PRRG1: variants seen among roughly 807,000 people sequenced by gnomAD.
PRRG1 encodes the protein proline rich and Gla domain 1, also known as transmembrane gamma-carboxyglutamic acid protein 1.
In PRRG1, 5 loss-of-function variants were observed where a neutral mutation model predicts 11.8. The ratio of observed to expected loss-of-function variants is 0.42; its 90% CI spans 0.22 to 0.89. The LOEUF is 0.89. Among genes scored for constraint, PRRG1 ranks in the 40% least tolerant of loss-of-function variants. The pLI, the probability that PRRG1 is intolerant of heterozygous loss-of-function variation, is 0.28. For synonymous variants in PRRG1, 66 were observed against 60.4 expected (o/e 1.09, Z -0.43); for missense variants, 155 against 166.1 (o/e 0.93, Z 0.37).
At chrX:37,429,782 C>T (rs977922681) in intron 3 of PRRG1, among the ~76,000 whole-genome samples, 1 of 111,772 alleles carries the variant, frequency 8.9e-6, no homozygotes, top group East Asian at 2.8e-4. Flanking sequence ...TTTTACACTG[C>T]TGACATACCT....
At chrX:37,414,654 A>G (rs1932438810) in intron 2 of PRRG1, among the ~76,000 whole-genome samples, 2 of 112,708 alleles carry the variant, frequency 1.8e-5, no homozygotes, top group Admixed American at 9.3e-5. Flanking sequence ...TTTTTATTTC[A>G]TGATAGGTTG....
At chrX:37,352,300 C>T (rs1232996756) in intron 1 of PRRG1, among the ~76,000 whole-genome samples, 1 of 112,284 alleles carries the variant, frequency 8.9e-6, no homozygotes, top group African/African-American at 3.2e-5. Flanking sequence ...TTTTTCATTT[C>T]TCCCTTATTC....
intron 1 of PRRG1, among the ~76,000 whole-genome samples, chrX:37,355,954 TATATC>T (rs1324044366): frequency 8.9e-6 from 1 of 112,383 alleles, no homozygotes; most frequent in Non-Finnish European, 1.9e-5. Flanking sequence ...GTAAGACTGC[TATATC>T]ATAAGTTTCA....
At chrX:37,400,729 A>C (rs782715264) in intron 1 of PRRG1, among the ~76,000 whole-genome samples, 5,015 of 111,323 alleles carry the variant, frequency 0.045, 289 homozygotes, top group African/African-American at 0.15. Flanking sequence ...AAATTGATAG[A>C]CTGCTAGCAA....
chrX:37,453,110 C>G (rs1013462461), intron 3 of PRRG1, 26 bp from the exon 4 acceptor site: 26 of 1,147,219 alleles, frequency 2.3e-5, no homozygotes, highest in Non-Finnish European at 2.8e-5. Context: ...TACTGATTTT[C>G]TATTTATTTT....
chrX:37,358,016 A>C (rs781882046), intron 1 of PRRG1, among the ~76,000 whole-genome samples: 8 of 111,056 alleles, frequency 7.2e-5, no homozygotes, highest in Non-Finnish European at 1.5e-4. Flanking sequence ...TGGGCTTTCC[A>C]TATGTTTATT....
chrX:37,455,617 G>A lies in PRRG1; in HGVS notation c.*1996G>A, dbSNP rs1485793016. ...AATGATAGAAAGGGAAGTAAGGCGT[G>A]TGTGCTAGTTAATAGGTTTAGTAGC... On this transcript the variant is annotated 3_prime_UTR_variant, in exon 4 of 4. Transcript: ENST00000378628. 9 of 112,269 alleles carry A rather than the reference G, an allele frequency of 8.0e-5. No homozygotes were observed. Among genetic ancestry groups the A allele is most frequent in the African/African-American group, 2.3e-4 (7 of 30,889 alleles). 9.3% of individuals were successfully genotyped at this position (112,269 alleles called of 1,213,427 possible).
At chrX:37,357,545 C>T (rs782213433) in intron 1 of PRRG1, among the ~76,000 whole-genome samples, 76 of 111,911 alleles carry the variant, frequency 6.8e-4, no homozygotes, top group African/African-American at 2.3e-3. Flanking sequence ...AAATAAATGT[C>T]GTAAGTTTTA....
intron 3 of PRRG1, among the ~76,000 whole-genome samples, chrX:37,429,516 C>G (rs1932805784): frequency 9.0e-6 from 1 of 111,617 alleles, no homozygotes; most frequent in African/African-American, 3.3e-5. Flanking sequence ...CTCCAGTTCC[C>G]AACAAGTTCC....
chrX:37,400,563 A>G (rs1385671651), intron 1 of PRRG1, among the ~76,000 whole-genome samples: 3 of 111,706 alleles, frequency 2.7e-5, no homozygotes, highest in South Asian at 3.8e-4. Context: ...TAACATCACA[A>G]TTAAAAGAAC....
intron 1 of PRRG1, among the ~76,000 whole-genome samples, chrX:37,360,789 G>A (rs1224925314): frequency 8.9e-6 from 1 of 112,065 alleles, no homozygotes; most frequent in Non-Finnish European, 1.9e-5. Context: ...TTCCTACAAT[G>A]GCAAAGTGAT....
At chrX:37,426,565 G>T (rs1932776858) in intron 3 of PRRG1, among the ~76,000 whole-genome samples, 1 of 111,598 alleles carries the variant, frequency 9.0e-6, no homozygotes, top group Non-Finnish European at 1.9e-5. Flanking sequence ...ATTGTATAAA[G>T]ATTCAGTCCT....
Position 37,406,264 on chromosome X carries a change from G to C in PRRG1, c.10+5G>C. On this transcript the variant is annotated splice_donor_5th_base_variant and intron_variant, in intron 2 of 3. Transcript: ENST00000378628. ...CACAAGAAAACATGGGGAGGGGTAA[G>C]TTTCTCTTCCTTTTTAAGTAATTCA... The C allele has an allele frequency of 8.3e-7, 1 of 1,202,310 alleles. No individual in the cohort carries two copies. The highest frequency in any genetic ancestry group is 1.1e-6 in the Non-Finnish European group (1 of 887,385).
At chrX:37,435,318 T>C (rs1932873154) in intron 3 of PRRG1, among the ~76,000 whole-genome samples, 1 of 110,434 alleles carries the variant, frequency 9.1e-6, no homozygotes, top group Admixed American at 9.6e-5. Flanking sequence ...CATGATTATA[T>C]AATGATATAA....
chrX:37,397,989 C>CAA (rs1397039460), intron 1 of PRRG1, among the ~76,000 whole-genome samples: 7 of 95,839 alleles, frequency 7.3e-5, no homozygotes, highest in Non-Finnish European at 1.4e-4. Flanking sequence ...CACACACACA[C>CAA]ACACACACAC....
At chrX:37,353,389 A>G (rs1216658755) in intron 1 of PRRG1, among the ~76,000 whole-genome samples, 1 of 112,618 alleles carries the variant, frequency 8.9e-6, no homozygotes, top group Admixed American at 9.4e-5. Flanking sequence ...AAAATATTAA[A>G]AAGTTTATGT....
intron 1 of PRRG1, among the ~76,000 whole-genome samples, chrX:37,362,799 G>T (rs1170900725): frequency 9.0e-6 from 1 of 110,903 alleles, no homozygotes; most frequent in Admixed American, 9.6e-5. Flanking sequence ...CTTCAACTGG[G>T]GCTGTCAAGA....
At chrX:37,397,720 A>G (rs1177032237) in intron 1 of PRRG1, among the ~76,000 whole-genome samples, 2 of 111,312 alleles carry the variant, frequency 1.8e-5, no homozygotes, top group Non-Finnish European at 3.8e-5. Context: ...TTAAGGGATG[A>G]GTAGAGGCTG....
chrX:37,441,026 C>G (rs1932966776), intron 3 of PRRG1: 1 of 962,916 alleles, frequency 1.0e-6, no homozygotes, highest in Admixed American at 4.8e-5. Context: ...ACCTTGGCCT[C>G]CCAAAGTGCT....
Sources: gnomAD v4.1 joint callset for allele counts (sites outside exome capture counted in the v4.1 genomes callset) on GRCh38, gnomAD v4.1.1 for gene constraint, MANE v1.5 for transcripts, NCBI Gene and HGNC (gene_info 2026-07-23, HGNC 2026-07-21) for gene names.